The following CHL1 variants were observed in gnomAD, a reference collection of about 807,000 sequenced individuals.
CHL1 encodes the protein cell adhesion molecule L1 like, also known as neural cell adhesion molecule L1-like protein.
CHL1 carries 96 observed loss-of-function variants against 141.9 expected under a neutral mutation model. That is an observed-to-expected ratio of 0.68 (90% CI 0.57 to 0.80). CHL1 has a LOEUF of 0.80. Among genes scored for constraint, CHL1 ranks in the 30% least tolerant of loss-of-function variants. The probability of loss-of-function intolerance (pLI) is 0.00; values close to 1 mark genes in which losing one functional copy is unlikely to be tolerated. For synonymous variants in CHL1, 613 were observed against 502.2 expected, an observed-to-expected ratio of 1.22 and a Z score of -2.95; for missense variants, 1,820 against 1,457.2, an observed-to-expected ratio of 1.25 and a Z score of -4.05.
chr3:217,518 GC>G (rs1193148481), intron 1 of CHL1: 1 of 152,200 alleles, frequency 6.6e-6, no homozygotes, highest in Non-Finnish European at 1.5e-5. Context: ...CTGAGAAGGT[GC>G]CTTTCACGCT....
chr3:311,247 T>C (rs1233307058), intron 2 of CHL1, among the ~76,000 whole-genome samples: 2 of 152,228 alleles, frequency 1.3e-5, no homozygotes, highest in African/African-American at 2.4e-5. Context: ...AAGAGTTCAA[T>C]GGCTGGATCA....
chr3:245,804 C>G (rs1469062072), intron 2 of CHL1, among the ~76,000 whole-genome samples: 1 of 152,048 alleles, frequency 6.6e-6, no homozygotes, highest in Non-Finnish European at 1.5e-5. Flanking sequence ...TGAATGCAGG[C>G]CATACCAAGA....
intron 5 of CHL1, among the ~76,000 whole-genome samples, chr3:332,867 C>T (rs971763130): frequency 6.6e-5 from 10 of 152,008 alleles, no homozygotes; most frequent in African/African-American, 2.4e-4. Context: ...GAGGATGATT[C>T]CTAACCTAAA....
intron 2 of CHL1, among the ~76,000 whole-genome samples, chr3:304,719 G>T (rs1699076343): frequency 1.3e-5 from 2 of 152,008 alleles, no homozygotes; most frequent in African/African-American, 4.8e-5. Flanking sequence ...TTTTTGAAGG[G>T]TTTTTCGTGT....
intron 1 of CHL1, chr3:197,680 C>CGTT (rs1698472912): frequency 5.0e-6 from 2 of 403,982 alleles, no homozygotes; most frequent in African/African-American, 4.2e-5. Context: ...ATCCATGGAC[C>CGTT]GTGGGGTTGT....
At chr3:366,986 C>A (rs1032616623) in intron 15 of CHL1, among the ~76,000 whole-genome samples, 2 of 152,226 alleles carry the variant, frequency 1.3e-5, no homozygotes, top group Admixed American at 1.3e-4. Context: ...ATCTGGGATT[C>A]TTCCTGCCAG....
rs1709636153 is a variant in CHL1 at position 407,996 on chromosome 3, T to C, written c.*2285T>C. ...TACTATTTGGCAACTACTGGGACTC[T>C]TCAGCACAAAAGGAATAGATCTATG... On this transcript the variant is annotated 3_prime_UTR_variant, in exon 28 of 28. Transcript: ENST00000256509. The C allele has an allele frequency of 6.6e-6, 1 of 152,104 alleles. No individual in the cohort carries two copies. The highest frequency in any genetic ancestry group is 1.5e-5 in the Non-Finnish European group (1 of 68,014). 9.4% of individuals were successfully genotyped at this position (152,104 alleles called of 1,614,324 possible).
At position 405,593 on chromosome 3, in the gene CHL1, G is replaced by T; in HGVS notation, c.3557G>T (p.Gly1186Val). ...SADSLVEYGE[G>V]DHGLFSEDGS... ...GACAGCTTAGTCGAATACGGAGAGG[G>T]AGACCATGGTCTCTTCAGTGAAGAT... The change falls in exon 28 of 28, where the codon GGA (glycine) becomes GTA (valine). Residue 1186 changes from glycine to valine, a missense_variant. Coordinates refer to ENST00000256509, the MANE Select transcript of CHL1 (RefSeq NM_006614.4). 2 of 1,613,460 alleles carry T rather than the reference G, an allele frequency of 1.2e-6. No individual in the cohort carries two copies. Among genetic ancestry groups the T allele is most frequent in the Admixed American group, 1.7e-5 (1 of 59,984 alleles).
At chr3:345,763 A>G (rs1169309663) in intron 9 of CHL1, among the ~76,000 whole-genome samples, 1 of 152,216 alleles carries the variant, frequency 6.6e-6, no homozygotes, top group Admixed American at 6.5e-5. Context: ...GATTATAGGC[A>G]TGAGCCACCG....
chr3:332,221 T>C (rs1701496025), intron 5 of CHL1, among the ~76,000 whole-genome samples: 1 of 152,160 alleles, frequency 6.6e-6, no homozygotes, highest in Non-Finnish European at 1.5e-5. Flanking sequence ...CCAAAAATAC[T>C]ATTCAATAGT....
At chr3:307,518 A>G (rs1395725375) in intron 2 of CHL1, among the ~76,000 whole-genome samples, 5 of 152,212 alleles carry the variant, frequency 3.3e-5, no homozygotes, top group Admixed American at 2.6e-4. Flanking sequence ...TCATTGCAAA[A>G]ATGAATGAAA....
intron 2 of CHL1, among the ~76,000 whole-genome samples, chr3:310,728 T>G (rs566705272): frequency 6.6e-6 from 1 of 152,222 alleles, no homozygotes; most frequent in African/African-American, 2.4e-5. Context: ...TGAACCTACA[T>G]TGACATATCA....
At chr3:304,817 T>A (rs1474862426) in intron 2 of CHL1, among the ~76,000 whole-genome samples, 3 of 152,198 alleles carry the variant, frequency 2.0e-5, no homozygotes, top group African/African-American at 7.2e-5. Context: ...TCTCTAGTTC[T>A]TTTAATTGTG....
intron 2 of CHL1, among the ~76,000 whole-genome samples, chr3:277,388 A>G (rs887868485): frequency 2.0e-5 from 3 of 152,212 alleles, no homozygotes; most frequent in Admixed American, 6.5e-5. Flanking sequence ...AGACTGTGAA[A>G]CCAGAGGATA....
chr3:267,068 T>C (rs1443339026), intron 2 of CHL1, among the ~76,000 whole-genome samples: 6 of 152,238 alleles, frequency 3.9e-5, no homozygotes, highest in Admixed American at 3.9e-4. Flanking sequence ...ATCTTGCATT[T>C]ATCTGTTTTT....
chr3:370,549 A>AC (rs1553598787), intron 15 of CHL1, among the ~76,000 whole-genome samples: 2 of 150,462 alleles, frequency 1.3e-5, no homozygotes, highest in Non-Finnish European at 3.0e-5. Context: ...AAAAAAAAAA[A>AC]CCAGCTCCTG....
At chr3:206,951 T>G (rs528916331) in intron 1 of CHL1, among the ~76,000 whole-genome samples, 1 of 152,192 alleles carries the variant, frequency 6.6e-6, no homozygotes, top group Non-Finnish European at 1.5e-5. Flanking sequence ...CAGATTAAAA[T>G]AGAAATCGTT....
intron 7 of CHL1, 66 bp from the exon 8 acceptor site, chr3:342,918 C>A: frequency 7.6e-7 from 1 of 1,315,980 alleles, no homozygotes; most frequent in South Asian, 1.4e-5. Context: ...TATGACTTTT[C>A]ATTCTTTATT....
intron 26 of CHL1, among the ~76,000 whole-genome samples, chr3:400,747 AG>A (rs1043142231): frequency 6.6e-6 from 1 of 152,044 alleles, no homozygotes; most frequent in African/African-American, 2.4e-5. Flanking sequence ...GGTTGCAGTG[AG>A]CCGAGATCAC....
Sources: allele counts gnomAD v4.1 joint callset (sites outside exome capture counted in the v4.1 genomes callset), GRCh38; gene constraint gnomAD v4.1.1; transcripts MANE v1.5; gene names NCBI Gene and HGNC (gene_info 2026-07-23, HGNC 2026-07-21).